The following SLC38A9 variants were observed in gnomAD, a reference collection of about 807,000 sequenced individuals.
SLC38A9 encodes neutral amino acid transporter 9.
Under a neutral mutation model 62.3 loss-of-function variants are expected in SLC38A9, and 48 were observed. The ratio of observed to expected loss-of-function variants is 0.77; its 90% CI spans 0.61 to 0.98. SLC38A9 has a LOEUF of 0.98. SLC38A9 is among the 50% of genes least tolerant of loss of function. SLC38A9 has a pLI of 0.00. For synonymous variants in SLC38A9, 204 were observed against 227.7 expected, an observed-to-expected ratio of 0.90 and a Z score of 0.94; for missense variants, 541 against 679.8, an observed-to-expected ratio of 0.80 and a Z score of 2.27.
chr5:55,626,470 C>T lies in SLC38A9; in HGVS notation c.*24G>A. On this transcript the variant is annotated 3_prime_UTR_variant, in exon 16 of 16. Transcript: ENST00000396865. ...CAAGGCTCAAAATATCATGAGAGCT[C>T]TTGAAAAAAACAGTTGAGGTATTTC... The T allele has an allele frequency of 6.3e-7, 1 of 1,594,128 alleles. No individual in the cohort carries two copies. The highest frequency in any genetic ancestry group is 8.6e-7 in the Non-Finnish European group (1 of 1,168,442).
At chr5:55,711,293 G>GAAAA (rs11404858) in intron 2 of SLC38A9, 159 bp downstream of exon 2, 2 of 145,602 alleles carry the variant, frequency 1.4e-5, no homozygotes, top group African/African-American at 2.5e-5. Flanking sequence ...ACTCTTGTCT[G>GAAAA]AAAAAAAAAA....
intron 3 of SLC38A9, among the ~76,000 whole-genome samples, chr5:55,676,620 A>C (rs545480615): frequency 6.6e-6 from 1 of 152,362 alleles, no homozygotes; most frequent in East Asian, 1.9e-4. Flanking sequence ...TATCATACAG[A>C]AATGTATTGG....
At chr5:55,679,753 T>G (rs1752727001) in intron 3 of SLC38A9, among the ~76,000 whole-genome samples, 1 of 152,230 alleles carries the variant, frequency 6.6e-6, no homozygotes, top group African/African-American at 2.4e-5. Context: ...CCATTCCATC[T>G]ACTATCTAGA....
chr5:55,640,837 T>C (rs1745343137), intron 12 of SLC38A9, among the ~76,000 whole-genome samples: 1 of 152,122 alleles, frequency 6.6e-6, no homozygotes, highest in African/African-American at 2.4e-5. Flanking sequence ...AAAAGTAAAA[T>C]ATGTATATAT....
intron 3 of SLC38A9, 39 bp from the exon 4 acceptor site, chr5:55,672,734 C>T: frequency 6.3e-7 from 1 of 1,584,890 alleles, no homozygotes; most frequent in Non-Finnish European, 8.6e-7. Context: ...AGTGTTCAGC[C>T]AAAAATTCTG....
chr5:55,694,673 CTCCCTTT>C (rs1380941560), intron 3 of SLC38A9, among the ~76,000 whole-genome samples: 26 of 151,676 alleles, frequency 1.7e-4, no homozygotes, highest in African/African-American at 5.1e-4. Flanking sequence ...TCCAAGAGTT[CTCCCTTT>C]TCCCTTTTCC....
At chr5:55,684,589 C>A (rs1439754289) in intron 3 of SLC38A9, among the ~76,000 whole-genome samples, 1 of 152,132 alleles carries the variant, frequency 6.6e-6, no homozygotes, top group Non-Finnish European at 1.5e-5. Context: ...CCCTGGATTC[C>A]AAATTTTCTT....
intron 3 of SLC38A9, among the ~76,000 whole-genome samples, chr5:55,678,301 C>T (rs1220360617): frequency 6.6e-6 from 1 of 151,594 alleles, no homozygotes; most frequent in African/African-American, 2.4e-5. Context: ...CCACACCCAG[C>T]TAATTTTGTA....
chr5:55,684,900 T>G (rs550409773), intron 3 of SLC38A9, among the ~76,000 whole-genome samples: 1 of 152,250 alleles, frequency 6.6e-6, no homozygotes, highest in African/African-American at 2.4e-5. Flanking sequence ...ATGATTCACC[T>G]GCCTTGGCCT....
intron 9 of SLC38A9, among the ~76,000 whole-genome samples, chr5:55,654,448 T>C (rs1371353530): frequency 6.6e-6 from 1 of 152,046 alleles, no homozygotes; most frequent in African/African-American, 2.4e-5. Context: ...CAACCCTGTC[T>C]CTAAAAGAAT....
At chr5:55,641,825 T>G (rs905850684) in intron 12 of SLC38A9, among the ~76,000 whole-genome samples, 3 of 152,204 alleles carry the variant, frequency 2.0e-5, no homozygotes, top group Non-Finnish European at 4.4e-5. Flanking sequence ...CGTGCACTTG[T>G]TATTTATGTA....
chr5:55,683,149 G>GT (rs1753268908), intron 3 of SLC38A9, among the ~76,000 whole-genome samples: 1 of 152,154 alleles, frequency 6.6e-6, no homozygotes, highest in Non-Finnish European at 1.5e-5. Flanking sequence ...TATACTATGT[G>GT]ATCTCACCTA....
chr5:55,648,840 A>G (rs1475151735), intron 11 of SLC38A9, among the ~76,000 whole-genome samples: 1 of 152,192 alleles, frequency 6.6e-6, no homozygotes, highest in East Asian at 1.9e-4. Flanking sequence ...TTAAAATATC[A>G]TATGTTCCCC....
Position 55,664,754 on chromosome 5 carries a change from T to G in SLC38A9, c.636A>C (p.Ala212=), listed in dbSNP as rs754844088. The G allele has an allele frequency of 2.5e-6, 4 of 1,587,858 alleles. No homozygotes were observed. The highest frequency in any genetic ancestry group is 3.7e-5 in the Admixed American group (2 of 53,620). The part of the protein sequence containing the change: ...LLFSLVSLIG[A]MIVYWVLMSN... ...ACATAAGCACCCAATAAACTATCATTGCTCCAATGAGAGACACCAAGGAGA... is the reference window on the plus strand; with the variant it reads ...ACATAAGCACCCAATAAACTATCATGGCTCCAATGAGAGACACCAAGGAGA... The change falls in exon 8 of 16, where the codon GCA becomes GCC. Residue 212 remains alanine (A), a synonymous_variant. Coordinates refer to ENST00000396865, the MANE Select transcript of SLC38A9 (RefSeq NM_173514.4).
chr5:55,635,863 A>T (rs536601706), intron 12 of SLC38A9, among the ~76,000 whole-genome samples: 11 of 152,314 alleles, frequency 7.2e-5, no homozygotes, highest in East Asian at 3.9e-4. Context: ...AATTTTTTTT[A>T]AAAAAGTACT....
chr5:55,647,867 C>G (rs1482098719), intron 11 of SLC38A9, among the ~76,000 whole-genome samples: 1 of 152,192 alleles, frequency 6.6e-6, no homozygotes, highest in Non-Finnish European at 1.5e-5. Context: ...AACTGAATAG[C>G]ATATTCACAG....
intron 3 of SLC38A9, among the ~76,000 whole-genome samples, chr5:55,691,929 A>G (rs1198883499): frequency 6.6e-6 from 1 of 152,230 alleles, no homozygotes; most frequent in Non-Finnish European, 1.5e-5. Flanking sequence ...AGTTCCACTA[A>G]AAGGATAAGC....
At chr5:55,639,788 T>C (rs1260450820) in intron 12 of SLC38A9, among the ~76,000 whole-genome samples, 1 of 152,098 alleles carries the variant, frequency 6.6e-6, no homozygotes, top group East Asian at 1.9e-4. Context: ...AGAGTATATA[T>C]ATTTACATAT....
At chr5:55,653,889 C>A (rs962241571) in intron 9 of SLC38A9, among the ~76,000 whole-genome samples, 1 of 152,122 alleles carries the variant, frequency 6.6e-6, no homozygotes, top group African/African-American at 2.4e-5. Context: ...GAACTCTTGA[C>A]CTCGTGATCT....
Sources: allele counts gnomAD v4.1 joint callset (sites outside exome capture counted in the v4.1 genomes callset), GRCh38; gene constraint gnomAD v4.1.1; transcripts MANE v1.5; gene names NCBI Gene and HGNC (gene_info 2026-07-23, HGNC 2026-07-21).